KIRREL3: variants seen among roughly 807,000 people sequenced by gnomAD.
The protein encoded by KIRREL3 is kin of IRRE-like protein 3.
KIRREL3 carries 36 observed loss-of-function variants against 89.7 expected under a neutral mutation model. The observed-to-expected ratio is 0.40, with a 90% CI of 0.31 to 0.53. KIRREL3 has a LOEUF of 0.53. KIRREL3 is among the 20% of genes least tolerant of loss of function. The pLI is 0.49. For synonymous variants in KIRREL3, 445 were observed against 441.4 expected (o/e 1.01, Z -0.10); for missense variants, 864 against 1,056.6 (o/e 0.82, Z 2.53).
intron 11 of KIRREL3, 63 bp downstream of exon 11, chr11:126,440,386 A>G (rs895433533): frequency 9.7e-6 from 14 of 1,447,230 alleles, no homozygotes; most frequent in African/African-American, 1.4e-5. Context: ...CCACCCAGGT[A>G]TTGGCAAAAG....
At chr11:126,681,885 G>A (rs1467057211) in intron 1 of KIRREL3, 7 of 455,424 alleles carry the variant, frequency 1.5e-5, no homozygotes, top group Non-Finnish European at 3.1e-5. Flanking sequence ...CAAATCAAAT[G>A]TACGTTTAGG....
chr11:126,935,899 A>G (rs78298388), intron 1 of KIRREL3: 2,950 of 152,282 alleles, frequency 0.019, 105 homozygotes, highest in East Asian at 0.13. Context: ...TGATGTGTCA[A>G]TGGAGGTCCA....
At chr11:126,468,979 G>C (rs933388780) in intron 5 of KIRREL3, among the ~76,000 whole-genome samples, 1 of 152,212 alleles carries the variant, frequency 6.6e-6, no homozygotes, top group African/African-American at 2.4e-5. Context: ...TAGTGGGGTG[G>C]ACCTTGCAGC....
rs1325583238 is a variant in KIRREL3, at chr11:126,609,220, G to T, written c.56-46308C>A. Among the ~76,000 whole-genome samples the T allele has an allele frequency of 6.6e-6, 1 of 152,146 alleles. No individual in the cohort carries two copies. The highest frequency in any genetic ancestry group is 2.4e-5 in the African/African-American group (1 of 41,428). On this transcript the variant is annotated intron_variant, in intron 1 of 16. Transcript: ENST00000525144. The surrounding 1 kb of genome is among the most constrained non-coding windows in gnomAD (Gnocchi z 5.0). ...GGTGCGGGGAAGGTTGGGTTCAGAA[G>T]GAGAGACTCTCCAGCCACACCTGTG... is the stretch of plus-strand genomic sequence containing the variant.
At position 126,978,009 on chromosome 11, in the gene KIRREL3, A is replaced by G. The variant is rs1307105214; in HGVS notation, c.55+22446T>C. Among the ~76,000 whole-genome samples the G allele has an allele frequency of 6.6e-6, 1 of 152,158 alleles. No homozygotes were observed. Among genetic ancestry groups the G allele is most frequent in the Non-Finnish European group, 1.5e-5 (1 of 68,032 alleles). On this transcript the variant is annotated intron_variant, in intron 1 of 16. Coordinates refer to ENST00000525144, the MANE Select transcript of KIRREL3 (RefSeq NM_032531.4). This position sits in a 1 kb window ranked among gnomAD's most constrained non-coding sequence, Gnocchi z 4.2. ...CACTCTCCATTGAGTGGATTTCTGT[A>G]GTACGACTCTGCTGCCAGTCTACTG...
chr11:126,936,155 T>G (rs2135083536), intron 1 of KIRREL3: 1 of 152,296 alleles, frequency 6.6e-6, no homozygotes, highest in Non-Finnish European at 1.5e-5. Context: ...TTAACATCAT[T>G]AATCACTGGG....
rs1420859554 is a variant in KIRREL3, at chr11:126,498,844, C to A, written c.433+22471G>T. Among the ~76,000 whole-genome samples, 3 of 152,182 alleles carry A rather than the reference C, an allele frequency of 2.0e-5. No homozygotes were observed. Among genetic ancestry groups the A allele is most frequent in the Admixed American group, 6.5e-5 (1 of 15,282 alleles). ...CCAGTTCTTCACAGGCTCAGGACCT[C>A]GACGCACGGAAACTTCTGGATCATT... On this transcript the variant is annotated intron_variant, in intron 4 of 16. Transcript: ENST00000525144. The surrounding 1 kb of genome is among the most constrained non-coding windows in gnomAD (Gnocchi z 4.3).
Position 126,476,153 on chromosome 11 carries a change from T to C in KIRREL3, c.434-2687A>G, listed in dbSNP as rs913647601. Among the ~76,000 whole-genome samples, 1 of 152,170 alleles carries C rather than the reference T, an allele frequency of 6.6e-6. No homozygotes were observed. The highest frequency in any genetic ancestry group is 2.4e-5 in the African/African-American group (1 of 41,444). The stretch of plus-strand genomic sequence containing the variant: ...TCCAGCACGGACATTTACTGGGCCT[T>C]GGACAGGGGTTTGAAGCCTTGACTG... On this transcript the variant is annotated intron_variant, in intron 4 of 16. Transcript: ENST00000525144. This position sits in a 1 kb window ranked among gnomAD's most constrained non-coding sequence, Gnocchi z 6.4.
chr11:126,446,300 T>TTC (rs1252243152), intron 9 of KIRREL3, among the ~76,000 whole-genome samples: 2 of 148,680 alleles, frequency 1.3e-5, no homozygotes, highest in African/African-American at 2.5e-5. Context: ...CTTTCTTTCT[T>TTC]TCTCTCTCTC....
chr11:126,625,250 A>G (rs1254853998), intron 1 of KIRREL3, among the ~76,000 whole-genome samples: 2 of 152,176 alleles, frequency 1.3e-5, no homozygotes, highest in Non-Finnish European at 2.9e-5. Context: ...AAGGTCATGG[A>G]CTAGGCTACA....
chr11:126,428,322 C>A lies in KIRREL3; in HGVS notation c.1806+857G>T, dbSNP rs930973914. ...AACCAGAAACTTCTAGCATGGTTGTCCAGGTTTCTGCTTGGACAACTAGGT... is the reference window on the plus strand; with the variant it reads ...AACCAGAAACTTCTAGCATGGTTGTACAGGTTTCTGCTTGGACAACTAGGT... On this transcript the variant is annotated intron_variant, in intron 15 of 16. Transcript: ENST00000525144. The surrounding 1 kb of genome is among the most constrained non-coding windows in gnomAD (Gnocchi z 6.4). Among the ~76,000 whole-genome samples the A allele has an allele frequency of 1.4e-5, 2 of 143,914 alleles. No homozygotes were observed. The highest frequency in any genetic ancestry group is 3.9e-4 in the East Asian group (2 of 5,156). 94.4% of individuals were successfully genotyped at this position (143,914 alleles called of 152,430 possible).
At chr11:126,959,709 G>C (rs1302258870) in intron 1 of KIRREL3, among the ~76,000 whole-genome samples, 2 of 152,064 alleles carry the variant, frequency 1.3e-5, no homozygotes, top group Non-Finnish European at 2.9e-5. Context: ...ACACAAGCCT[G>C]CCTTTTCCTC....
chr11:126,640,196 G>C lies in KIRREL3; in HGVS notation c.56-77284C>G, dbSNP rs1005116332. On this transcript the variant is annotated intron_variant, in intron 1 of 16. Transcript: ENST00000525144. The surrounding 1 kb of genome is among the most constrained non-coding windows in gnomAD (Gnocchi z 4.9). Reference sequence around the variant, plus strand: ...ATCTCACTCACCCTTCAGCTGGTGAGTGGTCCCCGAGAGCTTCTGTCATTT... The same window carrying C: ...ATCTCACTCACCCTTCAGCTGGTGACTGGTCCCCGAGAGCTTCTGTCATTT... Among the ~76,000 whole-genome samples, 1 of 152,140 alleles carries C rather than the reference G, an allele frequency of 6.6e-6. No individual in the cohort carries two copies.
rs756537658 is a variant in KIRREL3 at position 126,550,423 on chromosome 11, G to C, written c.133+12412C>G. 5 of 152,160 alleles carry C rather than the reference G, an allele frequency of 3.3e-5. No homozygotes were observed. The highest frequency in any genetic ancestry group is 9.7e-5 in the African/African-American group (4 of 41,412). 9.4% of individuals were successfully genotyped at this position (152,160 alleles called of 1,614,324 possible). A position where few individuals can be genotyped will look rare whatever the true frequency, so the allele number is the denominator to read the frequency against. ...GCACTTTGGGAGGCTGAGGCGGGTG[G>C]ATCACCCGAGGTCAGGAGTTTGAGA... is the stretch of plus-strand genomic sequence containing the variant. On this transcript the variant is annotated intron_variant, in intron 2 of 16. Transcript: ENST00000525144. The surrounding 1 kb of genome is among the most constrained non-coding windows in gnomAD (Gnocchi z 4.9).
intron 1 of KIRREL3, among the ~76,000 whole-genome samples, chr11:126,961,791 G>A (rs1478182930): frequency 6.6e-6 from 1 of 152,218 alleles, no homozygotes; most frequent in Non-Finnish European, 1.5e-5. Flanking sequence ...GTCAAGGCCT[G>A]GCTTCAAAGT....
intron 2 of KIRREL3, among the ~76,000 whole-genome samples, chr11:126,536,269 G>T (rs1192964886): frequency 6.6e-6 from 1 of 151,404 alleles, no homozygotes; most frequent in Non-Finnish European, 1.5e-5. Flanking sequence ...GTGTGTCTGT[G>T]TGTGTGTGTG....
rs529817183 is a variant in KIRREL3 at position 126,729,177 on chromosome 11, A to T, written c.56-166265T>A. Among the ~76,000 whole-genome samples the T allele has an allele frequency of 6.6e-6, 1 of 152,344 alleles. No homozygotes were observed. Among genetic ancestry groups the T allele is most frequent in the South Asian group, 2.1e-4 (1 of 4,828 alleles). On this transcript the variant is annotated intron_variant, in intron 1 of 16. Coordinates refer to ENST00000525144, the MANE Select transcript of KIRREL3 (RefSeq NM_032531.4). This position sits in a 1 kb window ranked among gnomAD's most constrained non-coding sequence, Gnocchi z 4.5. The stretch of plus-strand genomic sequence containing the variant: ...TGGAATGTGTGGTTGGAGCAAAAAG[A>T]TGAAGAGTGAGTCTAAGAGGTCATG...
chr11:126,602,956 A>G (rs750718276), intron 1 of KIRREL3, among the ~76,000 whole-genome samples: 10 of 152,194 alleles, frequency 6.6e-5, no homozygotes, highest in Non-Finnish European at 1.3e-4. Flanking sequence ...GGTCTCAAGA[A>G]GTAATGATTG....
chr11:126,480,234 A>G (rs925404437), intron 4 of KIRREL3, among the ~76,000 whole-genome samples: 5 of 152,252 alleles, frequency 3.3e-5, no homozygotes, highest in Admixed American at 6.5e-5. Context: ...GAAGTGAGAT[A>G]ATAAAAATAC....
Sources: gnomAD v4.1 joint callset for allele counts (sites outside exome capture counted in the v4.1 genomes callset) on GRCh38, gnomAD v4.1.1 for gene constraint, Gnocchi (gnomAD v3.1) non-coding constraint, MANE v1.5 for transcripts, NCBI Gene and HGNC (gene_info 2026-07-23, HGNC 2026-07-21) for gene names.